The following TRAF3 variants were observed in gnomAD, a reference collection of about 807,000 sequenced individuals.
TRAF3 encodes the protein TNF receptor associated factor 3.
In TRAF3, 13 loss-of-function variants were observed where a neutral mutation model predicts 62.3. That is an observed-to-expected ratio of 0.21 (90% CI 0.14 to 0.33). The LOEUF (loss-of-function observed/expected upper bound fraction) is 0.33. Ranked by LOEUF, TRAF3 falls within the 10% of genes least tolerant of loss-of-function variation. TRAF3 has a pLI of 1.00. For synonymous variants in TRAF3, 269 were observed against 283.4 expected, an observed-to-expected ratio of 0.95 and a Z score of 0.51; for missense variants, 440 against 741.8, an observed-to-expected ratio of 0.59 and a Z score of 4.73.
chr14:102,787,896 G>C (rs1016847528), intron 1 of TRAF3, among the ~76,000 whole-genome samples: 3 of 147,156 alleles, frequency 2.0e-5, no homozygotes, highest in Non-Finnish European at 4.5e-5. Context: ...CAGTCACCCA[G>C]GCTGGAGTGC....
intron 1 of TRAF3, among the ~76,000 whole-genome samples, chr14:102,816,559 C>G (rs1158469018): frequency 6.6e-6 from 1 of 152,100 alleles, no homozygotes; most frequent in African/African-American, 2.4e-5. Context: ...ATTTTACTGA[C>G]TTCTTTTTAC....
In TRAF3 at chr14:102,803,554, G is replaced by A. The variant is rs570798584; in HGVS notation, c.-157+25879G>A. On this transcript the variant is annotated intron_variant, in intron 1 of 11. Transcript: ENST00000392745. ...TTTAGTTATCTAGGACTATAATGGA[G>A]GTTAAGTTGGCCAGAAGTATAATTT... is the stretch of plus-strand genomic sequence containing the variant. Among the ~76,000 whole-genome samples, 331 of 152,228 alleles carry A rather than the reference G, an allele frequency of 2.2e-3. 3 individuals carry two copies. The highest frequency in any genetic ancestry group is 6.8e-3 in the Middle Eastern group (2 of 294).
intron 4 of TRAF3, among the ~76,000 whole-genome samples, chr14:102,873,911 G>A (rs1479869412): frequency 1.3e-5 from 2 of 152,202 alleles, no homozygotes; most frequent in African/African-American, 4.8e-5. Context: ...GCAACAGGCA[G>A]GAGTTTCTTA....
At chr14:102,894,984 G>A (rs1889925568) in intron 9 of TRAF3, 1 of 436,464 alleles carries the variant, frequency 2.3e-6, no homozygotes, top group Non-Finnish European at 4.6e-6. Context: ...CTACACGTAT[G>A]AGCCATCACA....
intron 2 of TRAF3, among the ~76,000 whole-genome samples, chr14:102,863,444 A>T (rs1887794621): frequency 6.6e-6 from 1 of 152,198 alleles, no homozygotes; most frequent in Non-Finnish European, 1.5e-5. Context: ...CAGTCTTTTG[A>T]GATGAGGTCT....
rs1330420031 is a variant in TRAF3, at chr14:102,903,180, G to A, written c.961-75G>A. The A allele has an allele frequency of 6.2e-7, 1 of 1,602,590 alleles. No individual in the cohort carries two copies. The highest frequency in any genetic ancestry group is 2.2e-5 in the East Asian group (1 of 44,812). Reference sequence around the variant, plus strand: ...TGACTGTTCTGCTCCTAGCCTGTCTGTATTTGATGGAAGGTGGTGCAGCAT... The same window carrying A: ...TGACTGTTCTGCTCCTAGCCTGTCTATATTTGATGGAAGGTGGTGCAGCAT... On this transcript the variant is annotated intron_variant, in intron 10 of 11. Coordinates refer to ENST00000392745, the MANE Select transcript of TRAF3 (RefSeq NM_145725.3). This position sits in a 1 kb window ranked among gnomAD's most constrained non-coding sequence, Gnocchi z 6.4.
At position 102,876,415 on chromosome 14, in the gene TRAF3, A is replaced by G. The variant is rs1309351363; in HGVS notation, c.460A>G (p.Lys154Glu). Residue 154 changes from lysine to glutamate, a missense_variant, in exon 6 of 12, where the codon AAA becomes GAA. By Grantham distance (56) the Lys-to-Glu change is moderately conservative (BLOSUM62 1). Around this residue, in one of 6 missense-constraint regions of TRAF3, gnomAD observed 255 missense variants for 424.1 expected, o/e 0.60. Transcript: ENST00000392745. ...EELPCVRPDC[K>E]EKVLRKDLRD... ...ACTTCCATGTGTGCGTCCTGACTGC[A>G]AAGAAAAGGTCTTGAGGAAAGACCT... The G allele has an allele frequency of 1.2e-6, 2 of 1,614,240 alleles. No homozygotes were observed. Among genetic ancestry groups the G allele is most frequent in the Non-Finnish European group, 1.7e-6 (2 of 1,180,042 alleles).
chr14:102,892,641 G>A (rs1244617654), intron 9 of TRAF3, among the ~76,000 whole-genome samples: 1 of 152,256 alleles, frequency 6.6e-6, no homozygotes, highest in Non-Finnish European at 1.5e-5. Context: ...AGAACAGCCA[G>A]TGGAGTTGAC....
In TRAF3 at chr14:102,795,356, A is replaced by G. The variant is rs374564698; in HGVS notation, c.-157+17681A>G. ...TTTTGGGATTAATGAGGGAAGAGCT[A>G]TGTCTGCCTGTGTTCCATGAGTGCC... On this transcript the variant is annotated intron_variant, in intron 1 of 11. Coordinates refer to ENST00000392745, the MANE Select transcript of TRAF3 (RefSeq NM_145725.3). Among the ~76,000 whole-genome samples the G allele has an allele frequency of 4.9e-4, 75 of 152,294 alleles. 1 individual carries two copies. In the South Asian group the frequency reaches 0.012, roughly 25 times the overall value.
intron 2 of TRAF3, among the ~76,000 whole-genome samples, chr14:102,852,591 T>C (rs1235668120): frequency 6.6e-6 from 1 of 152,240 alleles, no homozygotes; most frequent in Non-Finnish European, 1.5e-5. Flanking sequence ...CTCCTTTTAA[T>C]TTTCCTATTG....
At chr14:102,780,483 G>T (rs1009135993) in intron 1 of TRAF3, among the ~76,000 whole-genome samples, 2 of 151,908 alleles carry the variant, frequency 1.3e-5, no homozygotes, top group African/African-American at 4.8e-5. Context: ...ACCACCCTAG[G>T]GAGAAGGCAG....
intron 2 of TRAF3, among the ~76,000 whole-genome samples, chr14:102,843,422 C>G (rs1886499925): frequency 6.6e-6 from 1 of 151,778 alleles, no homozygotes; most frequent in East Asian, 2.0e-4. Flanking sequence ...ACTGCAATCT[C>G]TGTCTCCCGG....
chr14:102,871,855 C>A, intron 3 of TRAF3, 62 bp from the exon 4 acceptor site: 2 of 1,503,870 alleles, frequency 1.3e-6, no homozygotes, highest in Non-Finnish European at 9.3e-7. Context: ...CTCCCAGAAT[C>A]TCCTGAGTCC....
intron 1 of TRAF3, among the ~76,000 whole-genome samples, chr14:102,818,237 A>G (rs1010921790): frequency 2.6e-5 from 4 of 152,190 alleles, no homozygotes; most frequent in African/African-American, 9.7e-5. Context: ...CCAACCTTTT[A>G]CAATATTTAA....
chr14:102,865,631 C>G (rs549038901), intron 2 of TRAF3, among the ~76,000 whole-genome samples: 2 of 152,048 alleles, frequency 1.3e-5, no homozygotes, highest in Non-Finnish European at 2.9e-5. Context: ...TCCCAAGTAG[C>G]TGGGACTACA....
At chr14:102,809,030 A>G (rs1446148704) in intron 1 of TRAF3, 3 of 152,096 alleles carry the variant, frequency 2.0e-5, no homozygotes, top group African/African-American at 4.8e-5. Context: ...TCTGTCACCC[A>G]GGCTGGAGTG....
At chr14:102,856,814 G>A (rs1433035376) in intron 2 of TRAF3, among the ~76,000 whole-genome samples, 1 of 152,136 alleles carries the variant, frequency 6.6e-6, no homozygotes, top group Non-Finnish European at 1.5e-5. Flanking sequence ...TGAATGGGGC[G>A]ATGATATTCC....
intron 2 of TRAF3, among the ~76,000 whole-genome samples, chr14:102,857,997 G>C (rs986116618): frequency 7.2e-5 from 11 of 152,066 alleles, no homozygotes; most frequent in African/African-American, 2.7e-4. Flanking sequence ...AAGTTTTCTT[G>C]GCTCTGAAAA....
intron 11 of TRAF3, 23 bp from the exon 12 acceptor site, chr14:102,905,190 C>A (rs1890526917): frequency 6.2e-7 from 1 of 1,610,990 alleles, no homozygotes; most frequent in East Asian, 2.2e-5. Context: ...TCTCATTCAC[C>A]AAACCCTCCT....
Sources: gnomAD v4.1 joint callset for allele counts (sites outside exome capture counted in the v4.1 genomes callset) on GRCh38, gnomAD v4.1.1 for gene constraint, gnomAD v4.1.1 regional missense constraint, Gnocchi (gnomAD v3.1) non-coding constraint, MANE v1.5 for transcripts, NCBI Gene and HGNC (gene_info 2026-07-23, HGNC 2026-07-21) for gene names.